Variants in ERC1 observed in about 807,000 individuals in gnomAD.
ERC1 encodes RAB6 interacting protein 2.
In ERC1, 56 loss-of-function variants were observed where a neutral mutation model predicts 132.0. The ratio of observed to expected loss-of-function variants is 0.42; its 90% CI spans 0.34 to 0.53. The LOEUF is 0.53. Ranked by LOEUF, ERC1 falls within the 20% of genes least tolerant of loss-of-function variation. ERC1 has a pLI of 0.03. For missense variants in ERC1, 1,202 were observed against 1,349.9 expected, an observed-to-expected ratio of 0.89 and a Z score of 1.72; for synonymous variants, 478 against 476.1, an observed-to-expected ratio of 1.00 and a Z score of -0.05.
At chr12:1,228,669 C>T (rs951525184) in intron 12 of ERC1, among the ~76,000 whole-genome samples, 2 of 152,106 alleles carry the variant, frequency 1.3e-5, no homozygotes, top group Non-Finnish European at 2.9e-5. Flanking sequence ...GTGGGCTAAT[C>T]ATATATGGCC....
chr12:1,322,628 A>G (rs1241401429), intron 15 of ERC1, among the ~76,000 whole-genome samples: 1 of 152,168 alleles, frequency 6.6e-6, no homozygotes, highest in Non-Finnish European at 1.5e-5. Flanking sequence ...TTTAATAATG[A>G]TAATTCCATA....
intron 2 of ERC1, among the ~76,000 whole-genome samples, chr12:1,040,324 CTT>C (rs956609769): frequency 5.8e-5 from 8 of 138,052 alleles, no homozygotes; most frequent in Non-Finnish European, 9.4e-5. Flanking sequence ...TTTCTTTTTT[CTT>C]TTTTTTTTTT....
Position 1,137,894 on chromosome 12 carries a change from A to G in ERC1, c.1570-3726A>G, listed in dbSNP as rs535959389. ...TATAATTTATAATATGTTACATATTATGTATATTATTTATATGTATTATAT... is the reference window on the plus strand; with the variant it reads ...TATAATTTATAATATGTTACATATTGTGTATATTATTTATATGTATTATAT... On this transcript the variant is annotated intron_variant, in intron 7 of 18. Coordinates refer to ENST00000360905, the MANE Select transcript of ERC1 (RefSeq NM_178040.4). Among the ~76,000 whole-genome samples the G allele has an allele frequency of 7.5e-4, 108 of 143,090 alleles. No homozygotes were observed. The South Asian group carries it at 0.011, about 15-fold the overall frequency. The allele number at this position is 143,090 out of a possible 152,430, so 93.9% of individuals were successfully genotyped here.
intron 13 of ERC1, among the ~76,000 whole-genome samples, chr12:1,260,704 A>G (rs1165248315): frequency 6.6e-6 from 1 of 152,232 alleles, no homozygotes; most frequent in Non-Finnish European, 1.5e-5. Context: ...GACTTTGTAA[A>G]TGAAGGTGAG....
chr12:1,095,936 T>G (rs1034082783), intron 3 of ERC1, among the ~76,000 whole-genome samples: 1 of 151,862 alleles, frequency 6.6e-6, no homozygotes, highest in Admixed American at 6.6e-5. Context: ...AAGGATTTTT[T>G]TTTTTTTTTT....
At chr12:1,058,529 C>G (rs1414970684) in intron 2 of ERC1, among the ~76,000 whole-genome samples, 1 of 152,018 alleles carries the variant, frequency 6.6e-6, no homozygotes, top group Non-Finnish European at 1.5e-5. Flanking sequence ...TTTCTAGGTT[C>G]TCTGTTCTGT....
chr12:1,439,864 T>C (rs2093054531), intron 17 of ERC1, among the ~76,000 whole-genome samples: 1 of 152,214 alleles, frequency 6.6e-6, no homozygotes, highest in African/African-American at 2.4e-5. Context: ...GGAAACACAG[T>C]TTCTTTTCTA....
chr12:1,438,946 T>A (rs1465019980), intron 17 of ERC1, among the ~76,000 whole-genome samples: 5 of 144,638 alleles, frequency 3.5e-5, no homozygotes, highest in African/African-American at 7.7e-5. Context: ...TGTCTCAATT[T>A]AAAAAAAAAT....
chr12:1,374,752 A>G (rs936363651), intron 16 of ERC1, among the ~76,000 whole-genome samples: 4 of 151,114 alleles, frequency 2.6e-5, no homozygotes, highest in African/African-American at 9.7e-5. Flanking sequence ...GCTGGTGTGA[A>G]ATCTGGCTCT....
chr12:1,070,640 ATATT>A (rs1244297672), intron 2 of ERC1, among the ~76,000 whole-genome samples: 3 of 152,058 alleles, frequency 2.0e-5, no homozygotes, highest in Admixed American at 6.6e-5. Flanking sequence ...ATTCTCTTGA[ATATT>A]TATTTATTTT....
At chr12:1,320,764 C>T (rs2082059766) in intron 15 of ERC1, among the ~76,000 whole-genome samples, 1 of 152,162 alleles carries the variant, frequency 6.6e-6, no homozygotes, top group Non-Finnish European at 1.5e-5. Flanking sequence ...TGCAGTGGCA[C>T]GATCTGGGCT....
intron 12 of ERC1, among the ~76,000 whole-genome samples, chr12:1,200,059 A>G (rs1801318828): frequency 6.6e-6 from 1 of 152,122 alleles, no homozygotes; most frequent in Non-Finnish European, 1.5e-5. Context: ...AATAGCTGCC[A>G]GGCTTCAACT....
intron 12 of ERC1, among the ~76,000 whole-genome samples, chr12:1,207,584 C>T (rs1292865480): frequency 6.6e-6 from 1 of 152,116 alleles, no homozygotes; most frequent in Non-Finnish European, 1.5e-5. Context: ...ATAACATCTG[C>T]TGGTGTAGTA....
chr12:1,050,709 A>G (rs1020030127), intron 2 of ERC1, among the ~76,000 whole-genome samples: 1 of 152,312 alleles, frequency 6.6e-6, no homozygotes, highest in Non-Finnish European at 1.5e-5. Context: ...CCAAAAAATA[A>G]AAAATGAAAG....
chr12:1,101,110 G>A (rs537175645), intron 3 of ERC1, among the ~76,000 whole-genome samples: 1 of 152,130 alleles, frequency 6.6e-6, no homozygotes, highest in Non-Finnish European at 1.5e-5. Flanking sequence ...CAGTGACCCT[G>A]ATGAATTGCA....
At chr12:1,310,503 G>A (rs999769256) in intron 15 of ERC1, among the ~76,000 whole-genome samples, 4 of 152,092 alleles carry the variant, frequency 2.6e-5, no homozygotes, top group South Asian at 2.1e-4. Context: ...GCCACACCGC[G>A]CCTGGCCATT....
intron 1 of ERC1, among the ~76,000 whole-genome samples, chr12:1,006,938 T>C (rs1226348617): frequency 1.3e-5 from 2 of 150,200 alleles, no homozygotes; most frequent in Non-Finnish European, 3.0e-5. Flanking sequence ...ATACAATATA[T>C]ATGTGTATAT....
At chr12:1,269,280 T>G (rs2154329925) in intron 14 of ERC1, among the ~76,000 whole-genome samples, 1 of 152,336 alleles carries the variant, frequency 6.6e-6, no homozygotes, top group East Asian at 1.9e-4. Flanking sequence ...TCTTGAAAGT[T>G]GGAGGGTTAG....
intron 13 of ERC1, among the ~76,000 whole-genome samples, chr12:1,249,076 G>C (rs374632753): frequency 1.8e-4 from 28 of 152,042 alleles, no homozygotes; most frequent in South Asian, 6.2e-4. Context: ...ATTTTAAGTA[G>C]AGACTGAGTC....
Sources: allele counts gnomAD v4.1 joint callset (sites outside exome capture counted in the v4.1 genomes callset), GRCh38; gene constraint gnomAD v4.1.1; transcripts MANE v1.5; gene names NCBI Gene and HGNC (gene_info 2026-07-23, HGNC 2026-07-21).